The following LAPTM4B variants were observed in gnomAD, a reference collection of about 807,000 sequenced individuals.
LAPTM4B encodes lysosomal protein transmembrane 4 beta, also known as lysosomal-associated transmembrane protein 4B.
Under a neutral mutation model 28.5 loss-of-function variants are expected in LAPTM4B, and 26 were observed. That is an observed-to-expected ratio of 0.91 (90% confidence interval 0.67 to 1.27). The LOEUF is 1.27. Ranked by LOEUF, LAPTM4B falls within the 50% of genes most tolerant of loss-of-function variation. The pLI is 0.00. For synonymous variants in LAPTM4B, 109 were observed against 106.4 expected (o/e 1.02, Z -0.15); for missense variants, 288 against 285.8 (o/e 1.01, Z -0.06).
chr8:97,833,124 G>A (rs13257731), intron 6 of LAPTM4B, among the ~76,000 whole-genome samples: 70,997 of 151,160 alleles, frequency 0.47, 16,951 homozygotes, highest in East Asian at 0.58. Flanking sequence ...ACTTGAGGTC[G>A]GGAGTTTGAG....
intron 1 of LAPTM4B, among the ~76,000 whole-genome samples, chr8:97,780,070 AAAAGTAAAAT>A (rs1220333191): frequency 1.4e-5 from 2 of 147,306 alleles, no homozygotes; most frequent in African/African-American, 5.0e-5. Flanking sequence ...AAAAAAAAAG[AAAAGTAAAAT>A]AAAGAATAAT....
At chr8:97,832,933 T>C (rs1373954361) in intron 6 of LAPTM4B, among the ~76,000 whole-genome samples, 1 of 150,018 alleles carries the variant, frequency 6.7e-6, no homozygotes, top group Non-Finnish European at 1.5e-5. Context: ...CTCGAACTCC[T>C]GACCTCAAGT....
chr8:97,776,572 T>A (rs1239265477), intron 1 of LAPTM4B, among the ~76,000 whole-genome samples: 1 of 152,210 alleles, frequency 6.6e-6, no homozygotes, highest in Non-Finnish European at 1.5e-5. Flanking sequence ...TGCGGATTTG[T>A]CAATGCTCGT....
At position 97,775,885 on chromosome 8, in the gene LAPTM4B, A is replaced by C. The variant is rs1563596436; in HGVS notation, c.-125A>C. The C allele has an allele frequency of 2.7e-6, 4 of 1,465,876 alleles. No homozygotes were observed. The highest frequency in any genetic ancestry group is 3.6e-6 in the Non-Finnish European group (4 of 1,112,496). The allele number at this position is 1,465,876 out of a possible 1,614,324, so 90.8% of individuals were successfully genotyped here. On this transcript the variant is annotated 5_prime_UTR_variant, in exon 1 of 7. Transcript: ENST00000521545. ...ATCGAGGAGGCAGGCCCGCGGGCGCACGGGCGAGCGGGCCGGGAGCCGGAG... is the reference window on the plus strand; with the variant it reads ...ATCGAGGAGGCAGGCCCGCGGGCGCCCGGGCGAGCGGGCCGGGAGCCGGAG...
At chr8:97,789,637 T>C (rs894831294) in intron 1 of LAPTM4B, among the ~76,000 whole-genome samples, 5 of 150,850 alleles carry the variant, frequency 3.3e-5, no homozygotes, top group African/African-American at 1.2e-4. Flanking sequence ...AAGCAATTCT[T>C]CTCCCGAGTA....
intron 3 of LAPTM4B, 81 bp downstream of exon 3, chr8:97,815,482 T>A: frequency 2.1e-6 from 2 of 969,934 alleles, no homozygotes; most frequent in Non-Finnish European, 3.3e-6. Flanking sequence ...TAGTGAGAAG[T>A]GACTTTCCAG....
chr8:97,807,854 A>C (rs1410603779), intron 2 of LAPTM4B, among the ~76,000 whole-genome samples: 1 of 149,484 alleles, frequency 6.7e-6, no homozygotes, highest in East Asian at 2.0e-4. Flanking sequence ...TGGATTAAGA[A>C]GTTGGGGCAT....
At position 97,803,424 on chromosome 8, in the gene LAPTM4B, A is replaced by G. The variant is rs189620295; in HGVS notation, c.100-1929A>G. Among the ~76,000 whole-genome samples, 56 of 150,996 alleles carry G rather than the reference A, an allele frequency of 3.7e-4. No homozygotes were observed. The East Asian group carries it at 9.9e-3, about 27-fold the overall frequency. Reference sequence around the variant, plus strand: ...CTCCTGAATAGCTGGGATTACAGGCATCCACCACCATGCCCAACTAATTTG... The same window carrying G: ...CTCCTGAATAGCTGGGATTACAGGCGTCCACCACCATGCCCAACTAATTTG... On this transcript the variant is annotated intron_variant, in intron 1 of 6. Transcript: ENST00000521545.
intron 2 of LAPTM4B, among the ~76,000 whole-genome samples, chr8:97,807,324 T>G (rs115091013): frequency 0.043 from 6,617 of 152,212 alleles, 194 homozygotes; most frequent in Admixed American, 0.082. Flanking sequence ...CCCAGCATTT[T>G]GGGAGCCTGG....
intron 1 of LAPTM4B, among the ~76,000 whole-genome samples, chr8:97,794,907 T>C (rs1304859434): frequency 6.6e-6 from 1 of 152,092 alleles, no homozygotes; most frequent in Admixed American, 6.5e-5. Context: ...AGACAAGGTT[T>C]GACCATGTTG....
chr8:97,815,295 T>G, intron 2 of LAPTM4B, 33 bp from the exon 3 acceptor site: 1 of 1,588,384 alleles, frequency 6.3e-7, no homozygotes, highest in South Asian at 1.1e-5. Context: ...CTGATTGTCT[T>G]TTTTAAAGAA....
intron 1 of LAPTM4B, among the ~76,000 whole-genome samples, chr8:97,786,258 A>G (rs996683022): frequency 6.6e-6 from 1 of 152,202 alleles, no homozygotes; most frequent in Admixed American, 6.5e-5. Flanking sequence ...ACACTTCTTC[A>G]GTTGCTCCTA....
At chr8:97,786,823 C>CT (rs1264049683) in intron 1 of LAPTM4B, among the ~76,000 whole-genome samples, 3 of 152,006 alleles carry the variant, frequency 2.0e-5, no homozygotes, top group African/African-American at 7.2e-5. Flanking sequence ...TTTGTGTTGA[C>CT]TAACAGTAGT....
chr8:97,828,013 C>A (rs1817120046), intron 6 of LAPTM4B, among the ~76,000 whole-genome samples: 1 of 152,102 alleles, frequency 6.6e-6, no homozygotes, highest in South Asian at 2.1e-4. Flanking sequence ...TGTGGTTTTC[C>A]TGTTGTCCTA....
intron 1 of LAPTM4B, among the ~76,000 whole-genome samples, chr8:97,804,858 A>G (rs1262287376): frequency 6.6e-6 from 1 of 152,170 alleles, no homozygotes; most frequent in African/African-American, 2.4e-5. Context: ...TGGATCCACT[A>G]TGTAGCTTTG....
intron 1 of LAPTM4B, among the ~76,000 whole-genome samples, chr8:97,793,310 T>G (rs2129745044): frequency 6.6e-6 from 1 of 152,332 alleles, no homozygotes; most frequent in South Asian, 2.1e-4. Context: ...TGGACTAATG[T>G]TGGGCACAGG....
intron 6 of LAPTM4B, among the ~76,000 whole-genome samples, chr8:97,845,082 A>G (rs1033516396): frequency 6.6e-6 from 1 of 152,120 alleles, no homozygotes; most frequent in Non-Finnish European, 1.5e-5. Flanking sequence ...TTTAAAAGTA[A>G]TAGTCTGCTT....
chr8:97,825,625 T>C (rs1335366308), intron 6 of LAPTM4B, among the ~76,000 whole-genome samples: 1 of 152,220 alleles, frequency 6.6e-6, no homozygotes, highest in Non-Finnish European at 1.5e-5. Flanking sequence ...AGTAAAATAA[T>C]TTAGATGATC....
At chr8:97,811,466 A>T (rs1053495150) in intron 2 of LAPTM4B, among the ~76,000 whole-genome samples, 3 of 152,244 alleles carry the variant, frequency 2.0e-5, no homozygotes, top group African/African-American at 7.2e-5. Flanking sequence ...GATGAGAATT[A>T]ACTGTACTGT....
Sources: gnomAD v4.1 joint callset for allele counts (sites outside exome capture counted in the v4.1 genomes callset) on GRCh38, gnomAD v4.1.1 for gene constraint, MANE v1.5 for transcripts, NCBI Gene and HGNC (gene_info 2026-07-23, HGNC 2026-07-21) for gene names.